Variants in PYHIN1 observed in about 807,000 individuals in gnomAD.
The protein encoded by PYHIN1 is pyrin and HIN domain family member 1, also known as pyrin and HIN domain-containing protein 1.
In PYHIN1, 32 loss-of-function variants were observed where a neutral mutation model predicts 43.7. That is an observed-to-expected ratio of 0.73 (90% CI 0.55 to 0.98). The LOEUF is 0.98. PYHIN1 is among the 50% of genes least tolerant of loss of function. The pLI is 0.00. For synonymous variants in PYHIN1, 205 were observed against 203.1 expected, an observed-to-expected ratio of 1.01 and a Z score of -0.08; for missense variants, 588 against 589.5, an observed-to-expected ratio of 1.00 and a Z score of 0.03.
intron 7 of PYHIN1, among the ~76,000 whole-genome samples, chr1:158,973,429 A>G (rs1002973085): frequency 2.0e-5 from 3 of 151,576 alleles, no homozygotes; most frequent in Non-Finnish European, 4.4e-5. Context: ...GTATGCTGAA[A>G]TGTGGGTTAA....
chr1:158,966,188 T>A (rs1404264341), intron 7 of PYHIN1, among the ~76,000 whole-genome samples: 1 of 152,056 alleles, frequency 6.6e-6, no homozygotes, highest in Non-Finnish European at 1.5e-5. Context: ...GGAAACTGAA[T>A]AACTGAATAG....
intron 1 of PYHIN1, among the ~76,000 whole-genome samples, chr1:158,932,407 C>T (rs953315428): frequency 2.6e-5 from 4 of 152,116 alleles, no homozygotes. Context: ...CAGCGACACA[C>T]AGTTTACTCA....
chr1:158,947,734 A>G (rs1649300735), intron 7 of PYHIN1, among the ~76,000 whole-genome samples: 1 of 152,272 alleles, frequency 6.6e-6, no homozygotes, highest in South Asian at 2.1e-4. Flanking sequence ...TATTTAGCAC[A>G]GATTTAATTG....
At chr1:158,962,598 C>G (rs1420014343) in intron 7 of PYHIN1, among the ~76,000 whole-genome samples, 2 of 152,198 alleles carry the variant, frequency 1.3e-5, no homozygotes, top group African/African-American at 4.8e-5. Context: ...AGAGACAACC[C>G]ACAACTCCTC....
chr1:158,953,068 G>A (rs1445266659), intron 7 of PYHIN1, among the ~76,000 whole-genome samples: 8 of 152,340 alleles, frequency 5.3e-5, no homozygotes, highest in South Asian at 4.1e-4. Flanking sequence ...GGCGCACCAG[G>A]AGATTATATC....
In PYHIN1 at chr1:158,942,034, G is replaced by A. The variant is rs1378109051; in HGVS notation, c.637G>A (p.Asp213Asn). The change falls in exon 5 of 9, where the codon GAC (aspartate) becomes AAC (asparagine). Residue 213 changes from aspartate (D) to asparagine (N), a missense_variant. Asp to Asn is a conservative substitution (Grantham distance 23). Coordinates refer to ENST00000368140, the MANE Select transcript of PYHIN1 (RefSeq NM_152501.5). ...TGCCAGTAAAAATATTTTCCGAGAAGACCCAATAATCGCGATGGTACTAAA... is the reference window on the plus strand; with the variant it reads ...TGCCAGTAAAAATATTTTCCGAGAAAACCCAATAATCGCGATGGTACTAAA... ...ATASKNIFRE[D>N]PIIAMVLNAT... 1 of 1,612,692 alleles carries A rather than the reference G, an allele frequency of 6.2e-7. No homozygotes were observed. The highest frequency in any genetic ancestry group is 1.7e-5 in the Admixed American group (1 of 59,778).
intron 7 of PYHIN1, among the ~76,000 whole-genome samples, chr1:158,961,599 C>G (rs367972254): frequency 6.6e-6 from 1 of 152,050 alleles, no homozygotes; most frequent in African/African-American, 2.4e-5. Flanking sequence ...GGGAATGGCA[C>G]GGAGCCAGAG....
At chr1:158,939,825 CA>C (rs1648803418) in intron 4 of PYHIN1, 3 of 362,834 alleles carry the variant, frequency 8.3e-6, no homozygotes, top group Non-Finnish European at 1.5e-5. Context: ...CCCACCTACT[CA>C]AAGTAGTTCC....
intron 7 of PYHIN1, among the ~76,000 whole-genome samples, chr1:158,962,616 G>A (rs1180573340): frequency 2.6e-5 from 4 of 152,184 alleles, no homozygotes; most frequent in Non-Finnish European, 4.4e-5. Flanking sequence ...CTCCACCATT[G>A]CAGCTGCAGT....
At chr1:158,935,476 A>G (rs545616756) in intron 1 of PYHIN1, among the ~76,000 whole-genome samples, 1 of 152,302 alleles carries the variant, frequency 6.6e-6, no homozygotes, top group South Asian at 2.1e-4. Context: ...CAAGCCTAAA[A>G]GAAAAATCAA....
intron 7 of PYHIN1, among the ~76,000 whole-genome samples, chr1:158,951,796 C>T (rs73019882): frequency 6.6e-6 from 1 of 152,282 alleles, no homozygotes; most frequent in African/African-American, 2.4e-5. Context: ...CTCTTAATTG[C>T]TCCTTAACTA....
In PYHIN1 at chr1:158,942,154, A is replaced by G. The variant is rs147207354; in HGVS notation, c.757A>G (p.Lys253Glu). The G allele has an allele frequency of 1.9e-6, 3 of 1,614,132 alleles. No homozygotes were observed. Among genetic ancestry groups the G allele is most frequent in the African/African-American group, 1.3e-5 (1 of 75,054 alleles). Residue 253 changes from lysine to glutamate, a missense_variant, in exon 5 of 9, where the codon AAG (lysine) becomes GAG (glutamate). Lys to Glu is a moderately conservative substitution (Grantham distance 56, BLOSUM62 1). Transcript: ENST00000368140. ...TACGCAGACACAGTTCTTTCATGTGAAGGTTTTAAACATCAACTTGAAGAG... is the reference window on the plus strand; with the variant it reads ...TACGCAGACACAGTTCTTTCATGTGGAGGTTTTAAACATCAACTTGAAGAG... ...VATQTQFFHV[K>E]VLNINLKRKF...
At chr1:158,967,228 A>T (rs115747465) in intron 7 of PYHIN1, among the ~76,000 whole-genome samples, 1,855 of 152,174 alleles carry the variant, frequency 0.012, 40 homozygotes, top group African/African-American at 0.043. Flanking sequence ...CTTAGAATGT[A>T]GTCTGTTTTG....
At chr1:158,976,463 C>T (rs1202769150) in intron 8 of PYHIN1, among the ~76,000 whole-genome samples, 2 of 151,984 alleles carry the variant, frequency 1.3e-5, no homozygotes, top group Admixed American at 6.6e-5. Flanking sequence ...TGCCCTTTCA[C>T]GTGGGCTCAT....
chr1:158,990,869 C>T, the PYHIN1 span, among the ~76,000 whole-genome samples: 4 of 152,240 alleles, frequency 2.6e-5, no homozygotes, highest in Non-Finnish European at 5.9e-5. Context: ...GCCAGTTTCT[C>T]CCATGCTGTT....
intron 7 of PYHIN1, among the ~76,000 whole-genome samples, chr1:158,956,380 C>A (rs1168220949): frequency 9.2e-5 from 14 of 152,126 alleles, no homozygotes; most frequent in South Asian, 2.1e-4. Flanking sequence ...ACGAATCCAG[C>A]AGCACATCAA....
chr1:158,969,855 T>TC (rs1415975765), intron 7 of PYHIN1, among the ~76,000 whole-genome samples: 1 of 10,692 alleles, frequency 9.4e-5, no homozygotes, highest in Non-Finnish European at 8.2e-3. Context: ...GTACATAAAC[T>TC]CCCTTAATAC....
the PYHIN1 span, among the ~76,000 whole-genome samples, chr1:158,982,121 G>C: frequency 6.6e-6 from 1 of 152,116 alleles, no homozygotes; most frequent in Non-Finnish European, 1.5e-5. Flanking sequence ...CTAATTTGCT[G>C]TACAGAAGAT....
intron 7 of PYHIN1, among the ~76,000 whole-genome samples, chr1:158,947,208 G>C (rs895998333): frequency 6.6e-6 from 1 of 152,058 alleles, no homozygotes; most frequent in Admixed American, 6.6e-5. Flanking sequence ...GACCTTATTA[G>C]ATTTTGTCTT....
Sources: allele counts gnomAD v4.1 joint callset (sites outside exome capture counted in the v4.1 genomes callset), GRCh38; gene constraint gnomAD v4.1.1; transcripts MANE v1.5; gene names NCBI Gene and HGNC (gene_info 2026-07-23, HGNC 2026-07-21).